Variants in MAML3 observed in about 807,000 individuals in gnomAD.
The protein encoded by MAML3 is mastermind-like protein 3.
Under a neutral mutation model 101.9 loss-of-function variants are expected in MAML3, and 27 were observed. The ratio of observed to expected loss-of-function variants is 0.27; its 90% CI spans 0.20 to 0.37. MAML3 has a LOEUF of 0.37. MAML3 is among the 10% of genes least tolerant of loss of function. The probability of loss-of-function intolerance (pLI) is 1.00; values close to 1 mark genes in which losing one functional copy is unlikely to be tolerated. For missense variants in MAML3, 1,316 were observed against 1,444.9 expected, an observed-to-expected ratio of 0.91 and a Z score of 1.45; for synonymous variants, 501 against 555.9, an observed-to-expected ratio of 0.90 and a Z score of 1.39.
chr4:139,799,804 C>T (rs1690813132), intron 2 of MAML3, among the ~76,000 whole-genome samples: 1 of 152,156 alleles, frequency 6.6e-6, no homozygotes, highest in South Asian at 2.1e-4. Context: ...GCACAGCTGT[C>T]AGTGATTTCA....
intron 2 of MAML3, among the ~76,000 whole-genome samples, chr4:139,886,224 A>G (rs944905333): frequency 2.0e-5 from 3 of 152,100 alleles, no homozygotes; most frequent in Admixed American, 6.6e-5. Flanking sequence ...GTCAATGAAT[A>G]GCAAATAATG....
At chr4:139,776,164 A>C (rs1374005015) in intron 2 of MAML3, among the ~76,000 whole-genome samples, 1 of 152,228 alleles carries the variant, frequency 6.6e-6, no homozygotes, top group Non-Finnish European at 1.5e-5. Context: ...GTAAATCAAC[A>C]GTTCTTTGAT....
At chr4:139,857,592 T>C (rs1731685317) in intron 2 of MAML3, among the ~76,000 whole-genome samples, 3 of 152,252 alleles carry the variant, frequency 2.0e-5, no homozygotes, top group South Asian at 2.1e-4. Context: ...ATTTGGCCTA[T>C]GACCACCTCC....
intron 1 of MAML3, among the ~76,000 whole-genome samples, chr4:139,956,454 C>A (rs966408): frequency 0.29 from 43,968 of 152,092 alleles, 7,570 homozygotes; most frequent in East Asian, 0.63. Flanking sequence ...AATTTGTAAT[C>A]TTTAAAATGT....
intron 1 of MAML3, among the ~76,000 whole-genome samples, chr4:139,990,718 T>C (rs1264191473): frequency 1.4e-4 from 21 of 151,916 alleles, no homozygotes; most frequent in Non-Finnish European, 2.8e-4. Flanking sequence ...GGATACAAAA[T>C]CAATGTACAA....
intron 1 of MAML3, among the ~76,000 whole-genome samples, chr4:139,987,577 G>C (rs1169141966): frequency 2.0e-5 from 3 of 152,134 alleles, no homozygotes; most frequent in African/African-American, 7.2e-5. Context: ...TCTTCTTGGG[G>C]TGTGGCATCT....
In MAML3 at chr4:139,917,815, G is replaced by A. The variant is rs1733053392; in HGVS notation, c.469-26848C>T. 3.3e-5 allele frequency among the ~76,000 whole-genome samples: 5 copies of A among 152,100 alleles called. No homozygotes were observed. The South Asian group carries it at 1.0e-3, about 32-fold the overall frequency. The stretch of plus-strand genomic sequence containing the variant: ...GGGATTCTTTATTGGGTGGAAAGTA[G>A]GAGAAAATGACCTCTATGATTCCTT... On this transcript the variant is annotated intron_variant, in intron 1 of 4. Transcript: ENST00000509479.
chr4:140,119,680 G>C (rs1430964309), intron 1 of MAML3, among the ~76,000 whole-genome samples: 3 of 137,638 alleles, frequency 2.2e-5, no homozygotes, highest in Admixed American at 7.7e-5. Context: ...ACAGCACGGT[G>C]GCACAATCAT....
At chr4:139,854,921 T>C (rs898982454) in intron 2 of MAML3, among the ~76,000 whole-genome samples, 1 of 152,186 alleles carries the variant, frequency 6.6e-6, no homozygotes, top group African/African-American at 2.4e-5. Context: ...TCAGGTTCAT[T>C]GGGACCATTC....
At chr4:140,094,175 A>G (rs1481639431) in intron 1 of MAML3, among the ~76,000 whole-genome samples, 1 of 152,056 alleles carries the variant, frequency 6.6e-6, no homozygotes, top group Admixed American at 6.5e-5. Flanking sequence ...GTAAGGGGGA[A>G]TTTGGGAGGG....
At chr4:139,973,388 A>G (rs565601714) in intron 1 of MAML3, among the ~76,000 whole-genome samples, 1 of 152,344 alleles carries the variant, frequency 6.6e-6, no homozygotes, top group African/African-American at 2.4e-5. Context: ...ATGCAGGCCA[A>G]ATTCAAAACA....
chr4:139,787,187 A>G (rs1230041893), intron 2 of MAML3, among the ~76,000 whole-genome samples: 2 of 152,094 alleles, frequency 1.3e-5, no homozygotes, highest in African/African-American at 4.8e-5. Context: ...GGATTTCCTT[A>G]CACTTCACTT....
chr4:139,798,025 G>GGA (rs373492658), intron 2 of MAML3, among the ~76,000 whole-genome samples: 1 of 128,744 alleles, frequency 7.8e-6, no homozygotes, highest in East Asian at 2.2e-4. Context: ...AGGAAAGAAA[G>GGA]GAGAGAGAGA....
chr4:140,060,379 A>AAAAAAAAAAAAAAAAAAAAAAC (rs1371693672), intron 1 of MAML3, among the ~76,000 whole-genome samples: 1 of 147,570 alleles, frequency 6.8e-6, no homozygotes, highest in Non-Finnish European at 1.5e-5. Flanking sequence ...AAAAAAAAAA[A>AAAAAAAAAAAAAAAAAAAAAAC]AAAAAAGTCA....
chr4:140,046,462 T>C (rs1393552366), intron 1 of MAML3, among the ~76,000 whole-genome samples: 2 of 152,218 alleles, frequency 1.3e-5, no homozygotes, highest in Non-Finnish European at 2.9e-5. Flanking sequence ...AAATAAGATT[T>C]AATTGAACTT....
intron 2 of MAML3, among the ~76,000 whole-genome samples, chr4:139,875,071 G>A (rs1477996021): frequency 6.6e-6 from 1 of 152,110 alleles, no homozygotes; most frequent in Non-Finnish European, 1.5e-5. Flanking sequence ...CCAAAGTGCT[G>A]GGATTACAGG....
At position 140,153,204 on chromosome 4, in the gene MAML3, CGGGAGTACTATT is replaced by C; in HGVS notation, c.112_123del (p.Asn38_Pro41del). ...GCCGGGTGATTGCTACTCGGAGCAG[CGGGAGTACTATT>C]GGGAGTATTATTCACACCGATCCCG... On this transcript the variant is annotated inframe_deletion, in exon 1 of 5. Transcript: ENST00000509479. 4 of 1,558,372 alleles carry C rather than the reference CGGGAGTACTATT, an allele frequency of 2.6e-6. No homozygotes were observed. The highest frequency in any genetic ancestry group is 3.5e-6 in the Non-Finnish European group (4 of 1,150,680).
intron 2 of MAML3, among the ~76,000 whole-genome samples, chr4:139,872,074 T>C (rs1331608175): frequency 1.3e-5 from 2 of 152,222 alleles, no homozygotes; most frequent in African/African-American, 4.8e-5. Flanking sequence ...GGCACATGCA[T>C]TTACCTAATC....
chr4:140,043,891 A>T (rs938691686), intron 1 of MAML3, among the ~76,000 whole-genome samples: 10 of 152,234 alleles, frequency 6.6e-5, no homozygotes, highest in African/African-American at 2.2e-4. Context: ...GTAAATAGCA[A>T]CTGACATCAC....
Sources: allele counts gnomAD v4.1 joint callset (sites outside exome capture counted in the v4.1 genomes callset), GRCh38; gene constraint gnomAD v4.1.1; transcripts MANE v1.5; gene names NCBI Gene and HGNC (gene_info 2026-07-23, HGNC 2026-07-21).